NR6A1: variants seen among roughly 807,000 people sequenced by gnomAD.
NR6A1 encodes the protein retinoic acid receptor-related testis-associated receptor.
A neutral mutation model predicts 59.1 loss-of-function variants in NR6A1; 7 were observed. That is an observed-to-expected ratio of 0.12 (90% CI 0.07 to 0.22). NR6A1 has a LOEUF of 0.22. Ranked by LOEUF, NR6A1 falls within the 10% of genes least tolerant of loss-of-function variation. The pLI is 1.00. For missense variants in NR6A1, 468 were observed against 611.6 expected (o/e 0.77, Z 2.48); for synonymous variants, 243 against 236.1 (o/e 1.03, Z -0.27).
chr9:124,622,537 G>C (rs1836107765), intron 2 of NR6A1, among the ~76,000 whole-genome samples: 1 of 152,218 alleles, frequency 6.6e-6, no homozygotes, highest in Admixed American at 6.5e-5. Flanking sequence ...CACATTCTCT[G>C]AGGAGAAATG....
At chr9:124,535,103 GAC>G (rs956361672) in intron 7 of NR6A1, among the ~76,000 whole-genome samples, 3 of 151,776 alleles carry the variant, frequency 2.0e-5, no homozygotes, top group African/African-American at 7.3e-5. Flanking sequence ...CAGCCTGGGT[GAC>G]AGAGCCAGAC....
intron 2 of NR6A1, among the ~76,000 whole-genome samples, chr9:124,557,799 A>G (rs1220121964): frequency 2.0e-5 from 3 of 152,230 alleles, no homozygotes; most frequent in Non-Finnish European, 2.9e-5. Flanking sequence ...TAAATTTTCT[A>G]ATTTTAAAAC....
chr9:124,529,341 T>C (rs753573567), intron 7 of NR6A1, among the ~76,000 whole-genome samples: 1 of 152,226 alleles, frequency 6.6e-6, no homozygotes, highest in Non-Finnish European at 1.5e-5. Context: ...TTTGTTTACA[T>C]GTGGAAATGA....
intron 2 of NR6A1, among the ~76,000 whole-genome samples, chr9:124,693,378 AGCACTC>A: frequency 6.6e-6 from 1 of 152,344 alleles, no homozygotes; most frequent in East Asian, 1.9e-4. Flanking sequence ...ACCTCAAAAA[AGCACTC>A]ATACTTCTCA....
intron 2 of NR6A1, among the ~76,000 whole-genome samples, chr9:124,606,801 AC>A (rs1835588105): frequency 6.6e-6 from 1 of 152,136 alleles, no homozygotes; most frequent in Non-Finnish European, 1.5e-5. Context: ...AGCTTGTCTG[AC>A]CCCAAAGGCC....
At chr9:124,595,642 A>G in intron 2 of NR6A1, 1 of 493,962 alleles carries the variant, frequency 2.0e-6, no homozygotes, top group South Asian at 1.6e-5. Context: ...AAGACACAAA[A>G]AAAACAGTTG....
chr9:124,628,295 C>T (rs781310288), intron 2 of NR6A1, among the ~76,000 whole-genome samples: 11 of 152,034 alleles, frequency 7.2e-5, no homozygotes, highest in East Asian at 1.9e-4. Flanking sequence ...CCAAAAGTGC[C>T]GGGATTACAG....
chr9:124,535,735 A>C, intron 7 of NR6A1, 143 bp downstream of exon 7: 1 of 1,071,050 alleles, frequency 9.3e-7, no homozygotes, highest in Non-Finnish European at 1.4e-6. Context: ...CAAGGTCACA[A>C]ATCTAGTCAG....
rs1044021808 is a variant in NR6A1 at position 124,630,781 on chromosome 9, C to T, written c.143-76211G>A. 4.2e-5 allele frequency among the ~76,000 whole-genome samples: 6 copies of T among 143,794 alleles called. No homozygotes were observed. In the East Asian group the frequency reaches 8.3e-4, roughly 20 times the overall value. The allele number at this position is 143,794 out of a possible 152,430, so 94.3% of individuals were successfully genotyped here. ...GCAACCTCTGCTTCCCGGGTTCAAG[C>T]GATTCTCCTGCCTCAGCCTCCCGAG... is the stretch of plus-strand genomic sequence containing the variant. On this transcript the variant is annotated intron_variant, in intron 2 of 9. Transcript: ENST00000487099.
At chr9:124,679,982 CAG>C (rs968796820) in intron 2 of NR6A1, among the ~76,000 whole-genome samples, 3 of 150,718 alleles carry the variant, frequency 2.0e-5, no homozygotes, top group Non-Finnish European at 2.9e-5. Flanking sequence ...ACTTCCAAAA[CAG>C]ACAAGATTAT....
At chr9:124,530,899 C>T (rs1833080758) in intron 7 of NR6A1, among the ~76,000 whole-genome samples, 1 of 152,246 alleles carries the variant, frequency 6.6e-6, no homozygotes. Context: ...ATAAACTTAG[C>T]TCCATCTCTA....
intron 2 of NR6A1, among the ~76,000 whole-genome samples, chr9:124,602,593 G>C (rs1004057379): frequency 4.6e-5 from 7 of 152,180 alleles, no homozygotes; most frequent in Non-Finnish European, 8.8e-5. Context: ...AGCCAACTCT[G>C]GTTTCAGCCC....
intron 2 of NR6A1, among the ~76,000 whole-genome samples, chr9:124,592,244 C>T (rs1835147125): frequency 6.6e-6 from 1 of 151,872 alleles, no homozygotes; most frequent in Admixed American, 6.5e-5. Context: ...TTTTCCTTCA[C>T]TAGGCCCTCC....
chr9:124,530,006 G>A (rs574282924), intron 7 of NR6A1, among the ~76,000 whole-genome samples: 2 of 152,268 alleles, frequency 1.3e-5, no homozygotes, highest in East Asian at 1.9e-4. Context: ...AGCAAGCAAA[G>A]ATAATGCTCT....
chr9:124,613,684 G>A (rs1369822234), intron 2 of NR6A1, among the ~76,000 whole-genome samples: 2 of 151,810 alleles, frequency 1.3e-5, no homozygotes, highest in Non-Finnish European at 2.9e-5. Flanking sequence ...AAATAAATAA[G>A]TAAATAAAAA....
chr9:124,541,305 T>G (rs1005842148), intron 4 of NR6A1, among the ~76,000 whole-genome samples: 1 of 151,870 alleles, frequency 6.6e-6, no homozygotes, highest in Non-Finnish European at 1.5e-5. Flanking sequence ...CAAAACCCAC[T>G]GAAAAATGAA....
intron 1 of NR6A1, among the ~76,000 whole-genome samples, chr9:124,768,736 T>C (rs1263594884): frequency 6.6e-6 from 1 of 152,252 alleles, no homozygotes; most frequent in Non-Finnish European, 1.5e-5. Flanking sequence ...AAAATTACCA[T>C]TGAGTTCTTT....
chr9:124,638,485 G>A (rs10986388), intron 2 of NR6A1, among the ~76,000 whole-genome samples: 1 of 151,990 alleles, frequency 6.6e-6, no homozygotes, highest in Non-Finnish European at 1.5e-5. Context: ...GGTAGACAGA[G>A]TTCCCAAAGC....
chr9:124,529,410 C>T (rs1403431541), intron 7 of NR6A1, among the ~76,000 whole-genome samples: 3 of 152,134 alleles, frequency 2.0e-5, no homozygotes, highest in Non-Finnish European at 1.5e-5. Context: ...CATATGCATT[C>T]TTACACTTTA....
Sources: gnomAD v4.1 joint callset for allele counts (sites outside exome capture counted in the v4.1 genomes callset) on GRCh38, gnomAD v4.1.1 for gene constraint, MANE v1.5 for transcripts, NCBI Gene and HGNC (gene_info 2026-07-23, HGNC 2026-07-21) for gene names.